CACNA1C: variants seen among roughly 807,000 people sequenced by gnomAD.
CACNA1C encodes voltage-dependent L-type calcium channel subunit alpha-1C.
CACNA1C carries 30 observed loss-of-function variants against 229.0 expected under a neutral mutation model. The observed-to-expected ratio is 0.13, with a 90% CI of 0.10 to 0.18. The LOEUF is 0.18. Ranked by LOEUF, CACNA1C falls within the 10% of genes least tolerant of loss-of-function variation. The pLI is 1.00. For missense variants in CACNA1C, 1,658 were observed against 2,845.0 expected (o/e 0.58, Z 9.49); for synonymous variants, 1,114 against 1,132.5 (o/e 0.98, Z 0.33).
At chr12:2,174,926 C>CAG (rs1258409754) in intron 3 of CACNA1C, among the ~76,000 whole-genome samples, 9 of 152,092 alleles carry the variant, frequency 5.9e-5, no homozygotes, top group Non-Finnish European at 1.2e-4. Flanking sequence ...TCCTCCTTGT[C>CAG]TTCACATTGA....
At chr12:2,378,160 A>C (rs117802326) in intron 3 of CACNA1C, among the ~76,000 whole-genome samples, 2,699 of 152,272 alleles carry the variant, frequency 0.018, 37 homozygotes, top group Non-Finnish European at 0.027. Flanking sequence ...AAATAATACG[A>C]TTAACAACCA....
In CACNA1C at chr12:2,677,373, T is replaced by C; in HGVS notation, c.4956+152T>C. The stretch of plus-strand genomic sequence containing the variant: ...AGCTCCAGACCTTTCCAAAGATGGC[T>C]GTGAGAAGGGGGTGATGTGCCCTTC... On this transcript the variant is annotated intron_variant, in intron 40 of 46. Coordinates refer to ENST00000399655, the MANE Select transcript of CACNA1C (RefSeq NM_000719.7). The surrounding 1 kb of genome is among the most constrained non-coding windows in gnomAD (Gnocchi z 7.4). 1.2e-6 allele frequency: 1 copy of C among 846,586 alleles called. No individual in the cohort carries two copies. The highest frequency in any genetic ancestry group is 1.8e-6 in the Non-Finnish European group (1 of 562,222). The allele number at this position is 846,586 out of a possible 1,614,324, so 52.4% of individuals were successfully genotyped here.
intron 1 of CACNA1C, among the ~76,000 whole-genome samples, chr12:2,018,510 A>G (rs918966837): frequency 1.3e-5 from 2 of 152,166 alleles, no homozygotes; most frequent in Admixed American, 1.3e-4. Flanking sequence ...GGGAAGCTAG[A>G]ATGTTGAGAG....
At chr12:2,196,035 G>T (rs2097393973) in intron 3 of CACNA1C, among the ~76,000 whole-genome samples, 2 of 152,234 alleles carry the variant, frequency 1.3e-5, no homozygotes, top group South Asian at 2.1e-4. Flanking sequence ...TCTTAGTGGA[G>T]CAGGGCTTAC....
At chr12:2,425,997 C>A (rs577204656) in intron 3 of CACNA1C, among the ~76,000 whole-genome samples, 101 of 152,218 alleles carry the variant, frequency 6.6e-4, no homozygotes, top group Non-Finnish European at 1.0e-3. Flanking sequence ...TGACTATGTT[C>A]CTCATATTCT....
intron 13 of CACNA1C, among the ~76,000 whole-genome samples, chr12:2,572,389 C>T (rs2055485919): frequency 2.8e-5 from 1 of 35,792 alleles, no homozygotes; most frequent in African/African-American, 1.2e-4. Context: ...CCTCTTCCTC[C>T]TCCTTCTTCT....
chr12:2,360,432 A>G (rs1459672171), intron 3 of CACNA1C, among the ~76,000 whole-genome samples: 1 of 152,160 alleles, frequency 6.6e-6, no homozygotes, highest in Admixed American at 6.5e-5. Flanking sequence ...GCTGCCCTAC[A>G]GCTCTGAAGA....
chr12:2,651,645 A>G lies in CACNA1C; in HGVS notation c.3951A>G (p.Ala1317=), dbSNP rs1444937156. The G allele has an allele frequency of 3.1e-6, 5 of 1,613,890 alleles. No homozygotes were observed. The highest frequency in any genetic ancestry group is 1.3e-5 in the African/African-American group (1 of 75,032). ...CTGTTGCCGACGGGTTCCAGAACGC[A>G]GAGGAAAACTCCCGCATCTCCATCA... is the stretch of plus-strand genomic sequence containing the variant. The part of the protein sequence containing the change: ...EHTQCSPSMN[A]EENSRISITF... Residue 1317 remains alanine, a synonymous_variant, in exon 32 of 47, where the codon GCA becomes GCG. Transcript: ENST00000399655. The surrounding 1 kb of genome is among the most constrained non-coding windows in gnomAD (Gnocchi z 5.4).
intron 1 of CACNA1C, among the ~76,000 whole-genome samples, chr12:2,072,352 C>T (rs1230514187): frequency 6.6e-6 from 1 of 152,108 alleles, no homozygotes; most frequent in Non-Finnish European, 1.5e-5. Flanking sequence ...GCACACGCCA[C>T]CGTGCCTGGC....
At chr12:2,546,950 T>C (rs2099882406) in intron 9 of CACNA1C, among the ~76,000 whole-genome samples, 1 of 152,164 alleles carries the variant, frequency 6.6e-6, no homozygotes, top group Non-Finnish European at 1.5e-5. Context: ...AGGAAGCCCT[T>C]GAATCCACTA....
At chr12:2,688,801 A>G (rs781440418) in intron 46 of CACNA1C, 22 bp downstream of exon 46, 90 of 1,468,350 alleles carry the variant, frequency 6.1e-5, no homozygotes, top group Middle Eastern at 5.4e-4. Flanking sequence ...GCAGATGGGC[A>G]GGGGGGAGAG....
chr12:2,656,277 G>C (rs2095416767), intron 34 of CACNA1C, among the ~76,000 whole-genome samples: 1 of 152,088 alleles, frequency 6.6e-6, no homozygotes, highest in Non-Finnish European at 1.5e-5. Context: ...AAAATGAGTA[G>C]CATTTATTTA....
intron 3 of CACNA1C, among the ~76,000 whole-genome samples, chr12:2,246,897 A>G (rs2073536158): frequency 6.6e-6 from 1 of 152,150 alleles, no homozygotes; most frequent in Admixed American, 6.6e-5. Flanking sequence ...CGCTTCATGC[A>G]TAGCGGCTGC....
intron 1 of CACNA1C, among the ~76,000 whole-genome samples, chr12:2,099,044 C>T (rs2075365472): frequency 6.6e-6 from 1 of 152,204 alleles, no homozygotes; most frequent in Non-Finnish European, 1.5e-5. Context: ...GCCCTCCCTC[C>T]CTGGAACCTG....
intron 3 of CACNA1C, among the ~76,000 whole-genome samples, chr12:2,167,285 G>A (rs994379601): frequency 5.9e-5 from 9 of 152,180 alleles, no homozygotes; most frequent in Admixed American, 3.3e-4. Context: ...TCTAGTGAGG[G>A]GAAAGGCATG....
At chr12:2,600,301 A>G (rs543166443) in intron 21 of CACNA1C, among the ~76,000 whole-genome samples, 18 of 152,270 alleles carry the variant, frequency 1.2e-4, no homozygotes, top group African/African-American at 4.1e-4. Context: ...CCACTTCTAA[A>G]AACCATTGCC....
intron 3 of CACNA1C, among the ~76,000 whole-genome samples, chr12:2,291,900 G>C (rs1424044881): frequency 6.6e-6 from 1 of 152,214 alleles, no homozygotes; most frequent in African/African-American, 2.4e-5. Context: ...TAATTAGGGA[G>C]CCATGCCACA....
chr12:2,179,065 AT>A (rs869106154), intron 3 of CACNA1C, among the ~76,000 whole-genome samples: 2 of 68,402 alleles, frequency 2.9e-5, no homozygotes, highest in East Asian at 9.1e-4. Flanking sequence ...CTGTCTCAAA[AT>A]AAATAAATAA....
At chr12:2,381,396 G>A (rs2098242439) in intron 3 of CACNA1C, among the ~76,000 whole-genome samples, 3 of 152,206 alleles carry the variant, frequency 2.0e-5, no homozygotes, top group Non-Finnish European at 4.4e-5. Flanking sequence ...TGTGTTGTCA[G>A]CTCAGACAAA....
Sources: gnomAD v4.1 joint callset for allele counts (sites outside exome capture counted in the v4.1 genomes callset) on GRCh38, gnomAD v4.1.1 for gene constraint, Gnocchi (gnomAD v3.1) non-coding constraint, MANE v1.5 for transcripts, NCBI Gene and HGNC (gene_info 2026-07-23, HGNC 2026-07-21) for gene names.